Variants in PDE10A observed in about 807,000 individuals in gnomAD.
PDE10A encodes cAMP and cAMP-inhibited cGMP 3',5'-cyclic phosphodiesterase 10A.
Under a neutral mutation model 97.7 loss-of-function variants are expected in PDE10A, and 39 were observed. That is an observed-to-expected ratio of 0.40 (90% CI 0.31 to 0.52). The LOEUF is 0.52. Ranked by LOEUF, PDE10A falls within the 20% of genes least tolerant of loss-of-function variation. The pLI, the probability that PDE10A is intolerant of heterozygous loss-of-function variation, is 0.56. For missense variants in PDE10A, 731 were observed against 1,047.8 expected (o/e 0.70, Z 4.17); for synonymous variants, 371 against 376.8 (o/e 0.98, Z 0.18).
rs149206913 is a variant in PDE10A at position 165,490,214 on chromosome 6, A to G, written c.995-7871T>C. On this transcript the variant is annotated intron_variant, in intron 2 of 21. Coordinates refer to ENST00000539869, the MANE Select transcript of PDE10A (RefSeq NM_001385079.1). ...GAGGCAAGAGCAGCAGGTAACCTAT[A>G]AAGAAAAACTTGTCAGACTAACAGC... Among the ~76,000 whole-genome samples the G allele has an allele frequency of 4.9e-3, 747 of 152,334 alleles. 3 individuals are homozygous for G. The highest frequency in any genetic ancestry group is 0.017 in the African/African-American group (706 of 41,590).
intron 1 of PDE10A, among the ~76,000 whole-genome samples, chr6:165,787,977 C>T (rs1414873759): frequency 6.6e-6 from 1 of 152,156 alleles, no homozygotes; most frequent in Non-Finnish European, 1.5e-5. Flanking sequence ...TAAGAGACCA[C>T]CTTCATGTTC....
intron 1 of PDE10A, among the ~76,000 whole-genome samples, chr6:165,648,308 G>A (rs1027682088): frequency 1.1e-4 from 16 of 151,896 alleles, no homozygotes; most frequent in Admixed American, 4.6e-4. Flanking sequence ...CACCACGCCC[G>A]GCCTTACATA....
chr6:165,524,721 G>A (rs1301236696), intron 2 of PDE10A, among the ~76,000 whole-genome samples: 1 of 152,136 alleles, frequency 6.6e-6, no homozygotes, highest in African/African-American at 2.4e-5. Flanking sequence ...ACAGACACAA[G>A]CTCTTATCAT....
In PDE10A at chr6:165,655,239, G is replaced by C. The variant is rs537765036; in HGVS notation, c.865+6708C>G. ...CCAATCCCATGATTTTAGATGCTGT[G>C]ACTGCAGTTTCTATGCTGCAGTCTT... On this transcript the variant is annotated intron_variant, in intron 1 of 21. Coordinates refer to ENST00000539869, the MANE Select transcript of PDE10A (RefSeq NM_001385079.1). This position sits in a 1 kb window ranked among gnomAD's most constrained non-coding sequence, Gnocchi z 4.5. Among the ~76,000 whole-genome samples the C allele has an allele frequency of 6.6e-6, 1 of 152,210 alleles. No homozygotes were observed. Among genetic ancestry groups the C allele is most frequent in the African/African-American group, 2.4e-5 (1 of 41,512 alleles).
intron 1 of PDE10A, among the ~76,000 whole-genome samples, chr6:165,548,735 T>C (rs1246193639): frequency 1.3e-5 from 2 of 152,214 alleles, no homozygotes; most frequent in East Asian, 3.8e-4. Flanking sequence ...CTTCTTCATT[T>C]ATTAGCTGAA....
intron 15 of PDE10A, among the ~76,000 whole-genome samples, chr6:165,394,440 G>A (rs1362371093): frequency 1.3e-5 from 2 of 152,050 alleles, no homozygotes; most frequent in Non-Finnish European, 2.9e-5. Context: ...GTGTGTATGT[G>A]CCACATTTTC....
At chr6:165,737,002 A>G (rs1161849889) in intron 1 of PDE10A, among the ~76,000 whole-genome samples, 1 of 152,230 alleles carries the variant, frequency 6.6e-6, no homozygotes, top group Non-Finnish European at 1.5e-5. Flanking sequence ...AAAGGATCGT[A>G]AAAACTACTA....
At chr6:165,733,199 C>G (rs1256027049) in intron 1 of PDE10A, among the ~76,000 whole-genome samples, 1 of 152,212 alleles carries the variant, frequency 6.6e-6, no homozygotes, top group African/African-American at 2.4e-5. Context: ...TAGCCATGTT[C>G]CACCCAGACC....
chr6:165,482,266 G>A (rs777723885), intron 3 of PDE10A, 49 bp downstream of exon 3: 12 of 1,265,884 alleles, frequency 9.5e-6, no homozygotes, highest in Non-Finnish European at 1.4e-5. Context: ...AAACAAAACA[G>A]ATTCATTTCC....
Position 165,413,629 on chromosome 6 carries a change from T to A in PDE10A, c.1948A>T (p.Ser650Cys). Residue 650 changes from serine to cysteine, a missense_variant, in exon 13 of 22, where the codon AGC becomes TGC. Ser to Cys is a moderately radical substitution (Grantham distance 112, BLOSUM62 -1). Coordinates refer to ENST00000539869, the MANE Select transcript of PDE10A (RefSeq NM_001385079.1). Reference protein sequence around the residue: ...TRNILCMPIVSRGSVIGVVQM... With the variant: ...TRNILCMPIVCRGSVIGVVQM... ...ACCACACCTATCACGCTGCCTCGGC[T>A]GACGATGGGCATGCACAGGATGTTC... The A allele has an allele frequency of 6.2e-7, 1 of 1,614,174 alleles. No homozygotes were observed. Among genetic ancestry groups the A allele is most frequent in the Non-Finnish European group, 8.5e-7 (1 of 1,180,030 alleles).
chr6:165,590,688 G>A (rs1255159900), intron 1 of PDE10A, among the ~76,000 whole-genome samples: 4 of 152,106 alleles, frequency 2.6e-5, no homozygotes, highest in Non-Finnish European at 4.4e-5. Context: ...TCAGCAGATC[G>A]AGACCATCCT....
At chr6:165,769,321 A>T (rs1777943857) in intron 1 of PDE10A, among the ~76,000 whole-genome samples, 1 of 152,248 alleles carries the variant, frequency 6.6e-6, no homozygotes, top group Non-Finnish European at 1.5e-5. Flanking sequence ...GCACAGCTTT[A>T]TAGTGACTCT....
chr6:165,412,707 A>G (rs887791300), intron 13 of PDE10A, among the ~76,000 whole-genome samples: 8 of 152,080 alleles, frequency 5.3e-5, no homozygotes, highest in Admixed American at 6.6e-5. Context: ...TTGTCCTATG[A>G]GTTACACGGT....
At chr6:165,950,010 A>G (rs781148548) in intron 1 of PDE10A, 17 of 152,212 alleles carry the variant, frequency 1.1e-4, no homozygotes, top group Admixed American at 5.9e-4. Context: ...TGCAAGAGGC[A>G]TCTTTTAAAA....
chr6:165,878,069 C>A (rs1189609700), intron 1 of PDE10A, among the ~76,000 whole-genome samples: 2 of 152,168 alleles, frequency 1.3e-5, no homozygotes, highest in African/African-American at 4.8e-5. Context: ...GATACCACTT[C>A]ATTTAAAGAT....
At chr6:165,383,938 G>A (rs1334862216) in intron 17 of PDE10A, among the ~76,000 whole-genome samples, 1 of 152,036 alleles carries the variant, frequency 6.6e-6, no homozygotes, top group East Asian at 1.9e-4. Context: ...ATTACATGTA[G>A]AGAGAACCCG....
At chr6:165,820,975 C>G (rs761608672) in intron 1 of PDE10A, among the ~76,000 whole-genome samples, 1 of 152,226 alleles carries the variant, frequency 6.6e-6, no homozygotes, top group Non-Finnish European at 1.5e-5. Context: ...TATAACCCAT[C>G]TTACAAATTC....
At chr6:165,685,301 C>T (rs1364735952) in intron 1 of PDE10A, among the ~76,000 whole-genome samples, 1 of 152,010 alleles carries the variant, frequency 6.6e-6, no homozygotes, top group Non-Finnish European at 1.5e-5. Flanking sequence ...ACAATTTCAT[C>T]AGCAGCATAA....
intron 1 of PDE10A, among the ~76,000 whole-genome samples, chr6:165,650,539 A>G (rs943171938): frequency 2.6e-5 from 4 of 152,122 alleles, no homozygotes; most frequent in Non-Finnish European, 4.4e-5. Context: ...CTTTTTTCAC[A>G]TAACGGTGTA....
Sources: gnomAD v4.1 joint callset for allele counts (sites outside exome capture counted in the v4.1 genomes callset) on GRCh38, gnomAD v4.1.1 for gene constraint, Gnocchi (gnomAD v3.1) non-coding constraint, MANE v1.5 for transcripts, NCBI Gene and HGNC (gene_info 2026-07-23, HGNC 2026-07-21) for gene names.